The following EBF2 variants were observed in gnomAD, a reference collection of about 807,000 sequenced individuals.
EBF2 encodes the protein EBF transcription factor 2, also known as transcription factor COE2.
A neutral mutation model predicts 72.8 loss-of-function variants in EBF2; 21 were observed. The observed-to-expected ratio is 0.29, with a 90% CI of 0.20 to 0.42. The LOEUF (loss-of-function observed/expected upper bound fraction) is 0.42, where lower values mean the gene tolerates loss of function less well. Among genes scored for constraint, EBF2 ranks in the 10% least tolerant of loss-of-function variants. The pLI, the probability that EBF2 is intolerant of heterozygous loss-of-function variation, is 1.00. For missense variants in EBF2, 637 were observed against 731.2 expected (o/e 0.87, Z 1.49); for synonymous variants, 299 against 274.2 (o/e 1.09, Z -0.89).
intron 6 of EBF2, among the ~76,000 whole-genome samples, chr8:25,948,378 C>T (rs946445221): frequency 6.6e-6 from 1 of 152,204 alleles, no homozygotes; most frequent in Non-Finnish European, 1.5e-5. Context: ...GATGCCTCTC[C>T]TTTTCCAGAT....
chr8:26,000,999 A>T (rs961316643), intron 6 of EBF2, among the ~76,000 whole-genome samples: 3 of 152,244 alleles, frequency 2.0e-5, no homozygotes, highest in Non-Finnish European at 4.4e-5. Context: ...GGGGCCATAA[A>T]TGTTAACATA....
At chr8:25,878,977 G>A (rs1430372987) in intron 10 of EBF2, among the ~76,000 whole-genome samples, 1 of 152,028 alleles carries the variant, frequency 6.6e-6, no homozygotes, top group African/African-American at 2.4e-5. Flanking sequence ...ATGCTATATT[G>A]TGCCATACTT....
intron 6 of EBF2, among the ~76,000 whole-genome samples, chr8:25,915,944 G>C (rs898336598): frequency 6.6e-6 from 1 of 152,142 alleles, no homozygotes; most frequent in Admixed American, 6.5e-5. Flanking sequence ...TGGCAATGAT[G>C]ATGATGATTC....
intron 6 of EBF2, among the ~76,000 whole-genome samples, chr8:25,973,133 C>T (rs1447054162): frequency 1.3e-5 from 2 of 152,008 alleles, no homozygotes; most frequent in East Asian, 1.9e-4. Context: ...ATTAGGTGAC[C>T]TGCAAAGTGT....
chr8:25,864,242 C>A (rs556957593), intron 10 of EBF2, among the ~76,000 whole-genome samples: 2 of 152,158 alleles, frequency 1.3e-5, no homozygotes, highest in Non-Finnish European at 2.9e-5. Flanking sequence ...TCCAGCAATG[C>A]GTGTGCTCAT....
intron 6 of EBF2, among the ~76,000 whole-genome samples, chr8:25,984,087 G>T (rs930195789): frequency 6.6e-6 from 1 of 152,198 alleles, no homozygotes; most frequent in Non-Finnish European, 1.5e-5. Context: ...ACCAAAAGGT[G>T]TGTACCTTTG....
At chr8:25,882,139 C>T (rs1176616468) in intron 10 of EBF2, among the ~76,000 whole-genome samples, 3 of 152,090 alleles carry the variant, frequency 2.0e-5, no homozygotes, top group African/African-American at 7.2e-5. Context: ...AAAAGAGCAC[C>T]TGTAACACAC....
At chr8:25,912,560 G>A (rs1216477699) in intron 6 of EBF2, among the ~76,000 whole-genome samples, 1 of 151,346 alleles carries the variant, frequency 6.6e-6, no homozygotes, top group African/African-American at 2.4e-5. Context: ...TGAAGAGACT[G>A]CAGTGTCCCA....
At chr8:26,004,942 T>G (rs1804811969) in intron 6 of EBF2, among the ~76,000 whole-genome samples, 1 of 151,512 alleles carries the variant, frequency 6.6e-6, no homozygotes. Flanking sequence ...ATCTTTAATT[T>G]CTTCATTTAT....
chr8:26,011,524 G>T (rs1805021912), intron 6 of EBF2, among the ~76,000 whole-genome samples: 1 of 151,296 alleles, frequency 6.6e-6, no homozygotes, highest in African/African-American at 2.4e-5. Context: ...TAATGACCAG[G>T]TATTCCTTCG....
rs959702307 is a variant in EBF2 at position 25,857,693 on chromosome 8, A to G, written c.1528+626T>C. 2.0e-5 allele frequency among the ~76,000 whole-genome samples: 3 copies of G among 152,304 alleles called. No homozygotes were observed. In the South Asian group the frequency reaches 6.2e-4, roughly 32 times the overall value. ...CAGGGACTTTGCTGCTAGACCACAG[A>G]TTAAGATGAAGAGGTTCTGTCTCAA... On this transcript the variant is annotated intron_variant, in intron 14 of 15. Transcript: ENST00000520164.
chr8:25,934,579 C>A (rs1020137276), intron 6 of EBF2, among the ~76,000 whole-genome samples: 1 of 152,152 alleles, frequency 6.6e-6, no homozygotes, highest in Non-Finnish European at 1.5e-5. Flanking sequence ...TATCACAAGT[C>A]GAGTTTACTG....
chr8:25,856,399 G>A (rs1802093468), intron 14 of EBF2, among the ~76,000 whole-genome samples: 1 of 152,084 alleles, frequency 6.6e-6, no homozygotes, highest in African/African-American at 2.4e-5. Context: ...TAAAAACGTG[G>A]TATTCTGAGT....
At position 25,858,138 on chromosome 8, in the gene EBF2, C is replaced by T. The variant is rs3812417; in HGVS notation, c.1528+181G>A. On this transcript the variant is annotated intron_variant, in intron 14 of 15. Coordinates refer to ENST00000520164, the MANE Select transcript of EBF2 (RefSeq NM_022659.4). Reference sequence around the variant, plus strand: ...TTCCCCAAAAGGCCTTGAGTAACCACGTGAGCCAAAGTCCAGCTAAGGGAA... The same window carrying T: ...TTCCCCAAAAGGCCTTGAGTAACCATGTGAGCCAAAGTCCAGCTAAGGGAA... The T allele has an allele frequency of 1.5e-3, 1,236 of 798,328 alleles. 14 individuals carry two copies. In the East Asian group the frequency reaches 0.024, roughly 16 times the overall value. The allele number at this position is 798,328 out of a possible 1,614,324, so 49.5% of individuals were successfully genotyped here.
intron 6 of EBF2, among the ~76,000 whole-genome samples, chr8:25,931,691 G>A (rs1440990375): frequency 1.3e-5 from 2 of 151,986 alleles, no homozygotes; most frequent in Non-Finnish European, 1.5e-5. Flanking sequence ...ATTTTTGTTC[G>A]CATTTCAGTC....
chr8:26,027,063 T>C (rs1222240690), intron 6 of EBF2, among the ~76,000 whole-genome samples: 7 of 152,318 alleles, frequency 4.6e-5, no homozygotes, highest in African/African-American at 1.7e-4. Flanking sequence ...CTGATATATC[T>C]GGTTTACCCA....
chr8:26,014,264 A>G (rs1408702482), intron 6 of EBF2, among the ~76,000 whole-genome samples: 1 of 152,184 alleles, frequency 6.6e-6, no homozygotes, highest in Non-Finnish European at 1.5e-5. Flanking sequence ...CCTCCTGCTT[A>G]TATTATAAAT....
At chr8:25,958,878 C>A (rs548147336) in intron 6 of EBF2, among the ~76,000 whole-genome samples, 1 of 152,212 alleles carries the variant, frequency 6.6e-6, no homozygotes, top group Non-Finnish European at 1.5e-5. Flanking sequence ...TCTGAAGTAG[C>A]CTCTTTCCAT....
intron 6 of EBF2, among the ~76,000 whole-genome samples, chr8:25,932,151 C>T (rs9792201): frequency 0.52 from 79,498 of 151,828 alleles, 23,800 homozygotes; most frequent in East Asian, 0.74. Flanking sequence ...GGGTTCTAGT[C>T]CCAGAACTGC....
Sources: gnomAD v4.1 joint callset for allele counts (sites outside exome capture counted in the v4.1 genomes callset) on GRCh38, gnomAD v4.1.1 for gene constraint, MANE v1.5 for transcripts, NCBI Gene and HGNC (gene_info 2026-07-23, HGNC 2026-07-21) for gene names.